Variants in NEDD9 observed in about 807,000 individuals in gnomAD.
NEDD9 encodes the protein enhancer of filamentation 1.
A neutral mutation model predicts 76.6 loss-of-function variants in NEDD9; 26 were observed. The ratio of observed to expected loss-of-function variants is 0.34; its 90% CI spans 0.25 to 0.47. The LOEUF (loss-of-function observed/expected upper bound fraction) is 0.47. NEDD9 is among the 20% of genes least tolerant of loss of function. NEDD9 has a pLI of 1.00. For missense variants in NEDD9, 937 were observed against 1,058.5 expected, an observed-to-expected ratio of 0.89 and a Z score of 1.59; for synonymous variants, 392 against 414.2, an observed-to-expected ratio of 0.95 and a Z score of 0.65.
chr6:11,373,870 G>A (rs186818244), intron 1 of NEDD9, among the ~76,000 whole-genome samples: 1 of 152,192 alleles, frequency 6.6e-6, no homozygotes, highest in African/African-American at 2.4e-5. Flanking sequence ...TCAGTTGAAG[G>A]CCTTAATAGA....
At chr6:11,221,067 C>G (rs138591240) in intron 1 of NEDD9, among the ~76,000 whole-genome samples, 1 of 152,026 alleles carries the variant, frequency 6.6e-6, no homozygotes, top group East Asian at 1.9e-4. Flanking sequence ...TTGGGTTTAC[C>G]GAAGCAACTC....
At chr6:11,305,039 A>T (rs1384469592) in intron 3 of NEDD9, 6 of 1,236,042 alleles carry the variant, frequency 4.9e-6, no homozygotes, top group African/African-American at 1.6e-5. Context: ...CAAATTATTT[A>T]AAGAAAGCAT....
intron 2 of NEDD9, among the ~76,000 whole-genome samples, chr6:11,204,719 CA>C (rs58621043): frequency 0.026 from 1,714 of 65,348 alleles, 19 homozygotes; most frequent in African/African-American, 0.072. Flanking sequence ...GGGTCCGTCT[CA>C]AAAAAAAAAA....
chr6:11,333,259 A>G (rs1175870336), intron 2 of NEDD9, among the ~76,000 whole-genome samples: 2 of 152,198 alleles, frequency 1.3e-5, no homozygotes, highest in Non-Finnish European at 2.9e-5. Context: ...CAATCAAAAG[A>G]CACAGGTTGT....
intron 1 of NEDD9, among the ~76,000 whole-genome samples, chr6:11,379,941 G>T (rs1208954358): frequency 6.6e-6 from 1 of 152,206 alleles, no homozygotes; most frequent in Non-Finnish European, 1.5e-5. Flanking sequence ...CATCAAATGA[G>T]TTGTGAAGGT....
At chr6:11,339,025 T>C (rs80115412) in intron 1 of NEDD9, among the ~76,000 whole-genome samples, 1,888 of 152,170 alleles carry the variant, frequency 0.012, 36 homozygotes, top group African/African-American at 0.043. Flanking sequence ...TAGGTGCATA[T>C]ACAAATAAAT....
At chr6:11,214,168 A>G (rs757692044) in intron 1 of NEDD9, 27 of 518,446 alleles carry the variant, frequency 5.2e-5, no homozygotes, top group Non-Finnish European at 9.2e-5. Context: ...TAAAAGAAAA[A>G]TCCCAAATAA....
chr6:11,255,583 C>G (rs1471459411), intron 3 of NEDD9, among the ~76,000 whole-genome samples: 2 of 152,036 alleles, frequency 1.3e-5, no homozygotes, highest in Non-Finnish European at 2.9e-5. Context: ...CAGAAGGAAG[C>G]TTGGGGCATC....
chr6:11,264,801 A>G (rs1420181983), intron 3 of NEDD9, among the ~76,000 whole-genome samples: 1 of 152,254 alleles, frequency 6.6e-6, no homozygotes, highest in Non-Finnish European at 1.5e-5. Flanking sequence ...CAAGGAGTCA[A>G]CAGTGAAAAG....
At chr6:11,323,609 A>T (rs1194891472) in intron 2 of NEDD9, among the ~76,000 whole-genome samples, 2 of 152,248 alleles carry the variant, frequency 1.3e-5, no homozygotes, top group Non-Finnish European at 2.9e-5. Flanking sequence ...TACACTGGAC[A>T]GTCTTCCACA....
At chr6:11,264,689 T>C (rs1561810320) in intron 3 of NEDD9, among the ~76,000 whole-genome samples, 1 of 152,078 alleles carries the variant, frequency 6.6e-6, no homozygotes, top group Non-Finnish European at 1.5e-5. Context: ...AAAAAAAGAA[T>C]TTAAAGGTCA....
intron 1 of NEDD9, among the ~76,000 whole-genome samples, chr6:11,336,809 G>A (rs899707567): frequency 5.9e-5 from 9 of 152,134 alleles, no homozygotes; most frequent in Non-Finnish European, 2.9e-5. Flanking sequence ...ACTAGAACAC[G>A]TATTAGCCTA....
chr6:11,296,666 TTTCC>T (rs1760896929), intron 3 of NEDD9, among the ~76,000 whole-genome samples: 1 of 115,656 alleles, frequency 8.6e-6, no homozygotes, highest in Non-Finnish European at 1.7e-5. Flanking sequence ...TTTCCTTTCC[TTTCC>T]TTTCCTTTCC....
At chr6:11,240,491 G>T (rs917330700) in intron 3 of NEDD9, among the ~76,000 whole-genome samples, 4 of 152,144 alleles carry the variant, frequency 2.6e-5, no homozygotes, top group Non-Finnish European at 5.9e-5. Flanking sequence ...AATAGAACAC[G>T]TAAAACCGTG....
chr6:11,308,530 G>C (rs772495022), intron 2 of NEDD9, among the ~76,000 whole-genome samples: 49 of 151,576 alleles, frequency 3.2e-4, no homozygotes, highest in Non-Finnish European at 5.9e-4. Context: ...CCACTACGCT[G>C]GGCTAATTTT....
At chr6:11,230,194 T>C (rs1420745954) in intron 1 of NEDD9, among the ~76,000 whole-genome samples, 2 of 152,218 alleles carry the variant, frequency 1.3e-5, no homozygotes, top group East Asian at 3.8e-4. Context: ...TAAAAAGAAA[T>C]TATCCTGCAG....
intron 1 of NEDD9, among the ~76,000 whole-genome samples, chr6:11,366,379 C>T (rs1762769286): frequency 8.0e-6 from 1 of 125,704 alleles, no homozygotes; most frequent in South Asian, 2.5e-4. Context: ...AAAGGGGGAG[C>T]AAGACAGAGA....
intron 1 of NEDD9, among the ~76,000 whole-genome samples, chr6:11,358,963 T>A (rs1390303254): frequency 1.3e-5 from 2 of 152,182 alleles, no homozygotes; most frequent in Non-Finnish European, 1.5e-5. Context: ...ACTGTGCAAT[T>A]CTTAAAGTTC....
chr6:11,317,448 A>G (rs1397131780), intron 2 of NEDD9, among the ~76,000 whole-genome samples: 2 of 151,696 alleles, frequency 1.3e-5, no homozygotes, highest in East Asian at 3.9e-4. Flanking sequence ...AAAGATAGAT[A>G]GGAAGATGGT....
Sources: allele counts gnomAD v4.1 joint callset (sites outside exome capture counted in the v4.1 genomes callset), GRCh38; gene constraint gnomAD v4.1.1; transcripts MANE v1.5; gene names NCBI Gene and HGNC (gene_info 2026-07-23, HGNC 2026-07-21).